NOX4: variants seen among roughly 807,000 people sequenced by gnomAD.
NOX4 encodes NADPH oxidase 4, also known as kidney oxidase-1.
A neutral mutation model predicts 87.6 loss-of-function variants in NOX4; 69 were observed. That is an observed-to-expected ratio of 0.79 (90% CI 0.65 to 0.96). The LOEUF (loss-of-function observed/expected upper bound fraction) is 0.96, where lower values mean the gene tolerates loss of function less well. Ranked by LOEUF, NOX4 falls within the 40% of genes least tolerant of loss-of-function variation. The pLI is 0.00. For synonymous variants in NOX4, 275 were observed against 238.2 expected (o/e 1.15, Z -1.42); for missense variants, 680 against 681.5 (o/e 1.00, Z 0.02).
At chr11:89,373,261 G>A (rs1310637376) in intron 12 of NOX4, among the ~76,000 whole-genome samples, 171 bp downstream of exon 12, 10 of 83,022 alleles carry the variant, frequency 1.2e-4, no homozygotes, top group Non-Finnish European at 2.0e-4. Context: ...AAACACAGAT[G>A]TCAAAACTGT....
the NOX4 span, among the ~76,000 whole-genome samples, chr11:89,521,910 A>G: frequency 1.3e-5 from 2 of 152,288 alleles, no homozygotes; most frequent in East Asian, 1.9e-4. Flanking sequence ...ACATATAAGT[A>G]GCCAACAAAC....
intron 4 of NOX4, among the ~76,000 whole-genome samples, chr11:89,445,939 T>C (rs1944682567): frequency 6.6e-6 from 1 of 152,156 alleles, no homozygotes; most frequent in Non-Finnish European, 1.5e-5. Flanking sequence ...AGCCACAGAC[T>C]GGGAAAAAGC....
intron 2 of NOX4, among the ~76,000 whole-genome samples, chr11:89,470,569 G>T (rs1945888583): frequency 6.6e-6 from 1 of 152,076 alleles, no homozygotes; most frequent in Non-Finnish European, 1.5e-5. Context: ...CCATCCTCTT[G>T]CTCAGGCTCA....
At chr11:89,408,765 C>A (rs755671390) in intron 8 of NOX4, among the ~76,000 whole-genome samples, 2 of 152,112 alleles carry the variant, frequency 1.3e-5, no homozygotes, top group Non-Finnish European at 2.9e-5. Flanking sequence ...GCAGGTGCAC[C>A]GGACCTTGCT....
chr11:89,356,439 G>GAA (rs1938063874), intron 12 of NOX4, among the ~76,000 whole-genome samples: 1 of 151,100 alleles, frequency 6.6e-6, no homozygotes, highest in Admixed American at 6.6e-5. Flanking sequence ...GAAAAAAAAA[G>GAA]GACAAAGGAA....
intron 11 of NOX4, among the ~76,000 whole-genome samples, chr11:89,376,649 G>T (rs567326187): frequency 6.6e-6 from 1 of 152,130 alleles, no homozygotes; most frequent in Non-Finnish European, 1.5e-5. Context: ...TTGGGAGGCC[G>T]GGGCAGGTGG....
intron 11 of NOX4, among the ~76,000 whole-genome samples, chr11:89,399,495 A>G (rs1319040840): frequency 3.1e-5 from 4 of 129,870 alleles, no homozygotes; most frequent in Admixed American, 1.6e-4. Context: ...ACAAGGTCTC[A>G]CTCTCTTGCT....
the NOX4 span, among the ~76,000 whole-genome samples, chr11:89,566,855 G>T: frequency 1.3e-5 from 2 of 152,126 alleles, no homozygotes; most frequent in African/African-American, 2.4e-5. Context: ...TAGGTGAGAA[G>T]TGGCCCATGG....
chr11:89,427,412 A>C (rs966312895), intron 7 of NOX4, among the ~76,000 whole-genome samples: 11 of 152,196 alleles, frequency 7.2e-5, no homozygotes, highest in African/African-American at 2.7e-4. Context: ...GCTTCAGATG[A>C]TCAAACTTCT....
intron 9 of NOX4, among the ~76,000 whole-genome samples, chr11:89,401,263 C>T (rs1171123291): frequency 6.6e-6 from 1 of 152,060 alleles, no homozygotes; most frequent in Admixed American, 6.6e-5. Flanking sequence ...AAGACAAGGT[C>T]TGCAATGTAG....
At chr11:89,559,579 T>C in the NOX4 span, among the ~76,000 whole-genome samples, 1 of 152,148 alleles carries the variant, frequency 6.6e-6, no homozygotes, top group Non-Finnish European at 1.5e-5. Context: ...GCTATGTAAA[T>C]ATAATAGATG....
At chr11:89,468,080 T>C (rs1193235091) in intron 2 of NOX4, among the ~76,000 whole-genome samples, 1 of 152,182 alleles carries the variant, frequency 6.6e-6, no homozygotes, top group East Asian at 1.9e-4. Context: ...GCCTAGCTCA[T>C]ACTGTACCTC....
chr11:89,481,957 A>G (rs1343837617), intron 2 of NOX4, among the ~76,000 whole-genome samples: 1 of 152,056 alleles, frequency 6.6e-6, no homozygotes, highest in East Asian at 1.9e-4. Context: ...AATATTCCCT[A>G]CTTCCTTTTC....
In NOX4 at chr11:89,474,656, C is replaced by T. The variant is rs1946091324; in HGVS notation, c.153+15802G>A. ...ATGCACATGTATATATGTGTATCTACATGTACAGTCATTGATATATAGACA... is the reference window on the plus strand; with the variant it reads ...ATGCACATGTATATATGTGTATCTATATGTACAGTCATTGATATATAGACA... On this transcript the variant is annotated intron_variant, in intron 2 of 17. Transcript: ENST00000263317. 4.6e-5 allele frequency among the ~76,000 whole-genome samples: 7 copies of T among 152,050 alleles called. 2 individuals carry two copies. In the South Asian group the frequency reaches 1.5e-3, roughly 32 times the overall value.
At chr11:89,351,951 T>C (rs1946474165) in intron 13 of NOX4, among the ~76,000 whole-genome samples, 3 of 152,150 alleles carry the variant, frequency 2.0e-5, no homozygotes, top group Admixed American at 1.3e-4. Context: ...ATAATGACTT[T>C]TGCAGCAATA....
At chr11:89,339,514 G>A (rs1251606799) in intron 15 of NOX4, among the ~76,000 whole-genome samples, 1 of 152,170 alleles carries the variant, frequency 6.6e-6, no homozygotes, top group Admixed American at 6.5e-5. Context: ...CTTGTATAGT[G>A]TGAATAAAGA....
At chr11:89,510,464 A>T in the NOX4 span, among the ~76,000 whole-genome samples, 1 of 152,102 alleles carries the variant, frequency 6.6e-6, no homozygotes, top group Admixed American at 6.6e-5. Flanking sequence ...CTACAGTTCC[A>T]AATCAATGGT....
At chr11:89,481,316 CATA>C (rs527431076) in intron 2 of NOX4, among the ~76,000 whole-genome samples, 69 of 151,608 alleles carry the variant, frequency 4.6e-4, no homozygotes, top group African/African-American at 1.5e-3. Context: ...TGGTTCTATT[CATA>C]ATATTGATGC....
At chr11:89,345,786 G>A (rs1946190836) in intron 13 of NOX4, among the ~76,000 whole-genome samples, 1 of 152,012 alleles carries the variant, frequency 6.6e-6, no homozygotes, top group South Asian at 2.1e-4. Context: ...ACACATATAA[G>A]GAACATACCT....
Sources: gnomAD v4.1 joint callset for allele counts (sites outside exome capture counted in the v4.1 genomes callset) on GRCh38, gnomAD v4.1.1 for gene constraint, MANE v1.5 for transcripts, NCBI Gene and HGNC (gene_info 2026-07-23, HGNC 2026-07-21) for gene names.